RAPGEF4: variants seen among roughly 807,000 people sequenced by gnomAD.
The protein encoded by RAPGEF4 is Rap guanine nucleotide exchange factor 4.
A neutral mutation model predicts 147.9 loss-of-function variants in RAPGEF4; 66 were observed. The observed-to-expected ratio is 0.45, with a 90% CI of 0.37 to 0.55. RAPGEF4 has a LOEUF of 0.55. Among genes scored for constraint, RAPGEF4 ranks in the 20% least tolerant of loss-of-function variants. The pLI, the probability that RAPGEF4 is intolerant of heterozygous loss-of-function variation, is 0.00. For missense variants in RAPGEF4, 1,071 were observed against 1,257.3 expected, an observed-to-expected ratio of 0.85 and a Z score of 2.24; for synonymous variants, 419 against 442.7, an observed-to-expected ratio of 0.95 and a Z score of 0.67.
intron 6 of RAPGEF4, 74 bp from the exon 7 acceptor site, chr2:172,960,686 T>C (rs1689194223): frequency 9.8e-7 from 1 of 1,017,720 alleles, no homozygotes; most frequent in Non-Finnish European, 1.4e-6. Context: ...TGTTTCTTAT[T>C]ATCCCCCAAC....
At position 172,795,129 on chromosome 2, in the gene RAPGEF4, T is replaced by C. The variant is rs1225466180; in HGVS notation, c.170T>C (p.Leu57Ser). ...CCAAATCTCCTTCATCAGATTTGCT[T>C]ATGTGGTTATTATGAGAATCTGGAA... ...FHPNLLHQICLCGYYENLEKG... is the reference protein window; with the variant it reads ...FHPNLLHQICSCGYYENLEKG... The change falls in exon 2 of 31, where the codon TTA becomes TCA. Residue 57 changes from leucine (L) to serine (S), a missense_variant. Coordinates refer to ENST00000397081, the MANE Select transcript of RAPGEF4 (RefSeq NM_007023.4). 1 of 1,611,994 alleles carries C rather than the reference T, an allele frequency of 6.2e-7. No individual in the cohort carries two copies. Among genetic ancestry groups the C allele is most frequent in the East Asian group, 2.2e-5 (1 of 44,854 alleles).
intron 4 of RAPGEF4, among the ~76,000 whole-genome samples, chr2:172,890,411 G>T (rs1016751401): frequency 1.4e-4 from 21 of 152,270 alleles, no homozygotes; most frequent in African/African-American, 1.2e-4. Context: ...AGTTTTCTTC[G>T]CAAGGAAGTT....
chr2:172,903,183 A>G (rs767877357), intron 4 of RAPGEF4, among the ~76,000 whole-genome samples: 6 of 152,084 alleles, frequency 3.9e-5, no homozygotes, highest in Non-Finnish European at 8.8e-5. Context: ...AGCCTGATCA[A>G]CATGGTGAAA....
chr2:173,020,754 A>C (rs1488425472), intron 23 of RAPGEF4, 39 bp downstream of exon 23: 1 of 1,526,980 alleles, frequency 6.5e-7, no homozygotes, highest in Non-Finnish European at 9.0e-7. Context: ...CATTGCAATC[A>C]GAAAAACTTG....
At chr2:172,824,291 A>G (rs1689427831) in intron 4 of RAPGEF4, among the ~76,000 whole-genome samples, 1 of 152,184 alleles carries the variant, frequency 6.6e-6, no homozygotes, top group Non-Finnish European at 1.5e-5. Context: ...TAGAAGATAG[A>G]GCTTCATCAG....
intron 4 of RAPGEF4, among the ~76,000 whole-genome samples, chr2:172,867,380 T>C (rs185289313): frequency 5.9e-5 from 9 of 152,358 alleles, no homozygotes; most frequent in Admixed American, 1.3e-4. Context: ...GTTCTTTTAC[T>C]GTCCTTGGGG....
At chr2:172,765,378 G>C (rs1028709632) in intron 1 of RAPGEF4, among the ~76,000 whole-genome samples, 6 of 152,296 alleles carry the variant, frequency 3.9e-5, no homozygotes, top group Admixed American at 3.9e-4. Flanking sequence ...GACAATAACA[G>C]GAAAACTCAG....
intron 6 of RAPGEF4, among the ~76,000 whole-genome samples, chr2:172,953,392 TAATA>T (rs765478693): frequency 2.4e-4 from 35 of 148,074 alleles, no homozygotes; most frequent in Non-Finnish European, 4.9e-4. Flanking sequence ...ATATGTTATA[TAATA>T]AATATAAAAA....
chr2:172,794,287 C>T (rs1320239477), intron 1 of RAPGEF4, among the ~76,000 whole-genome samples: 1 of 137,272 alleles, frequency 7.3e-6, no homozygotes, highest in Non-Finnish European at 1.5e-5. Context: ...GCAGAGATTG[C>T]AGTGAGCCAA....
chr2:172,865,958 G>A (rs12622141), intron 4 of RAPGEF4, among the ~76,000 whole-genome samples: 23,477 of 151,728 alleles, frequency 0.15, 2,167 homozygotes, highest in East Asian at 0.25. Flanking sequence ...TTTTCCTCCC[G>A]TGACCCCTTC....
chr2:172,963,758 C>T (rs1393364317), intron 8 of RAPGEF4, among the ~76,000 whole-genome samples: 11 of 152,334 alleles, frequency 7.2e-5, no homozygotes, highest in African/African-American at 2.6e-4. Flanking sequence ...CATCCTCTCT[C>T]TCCCTCCTGC....
intron 4 of RAPGEF4, among the ~76,000 whole-genome samples, chr2:172,874,372 A>G (rs1695615306): frequency 6.6e-6 from 1 of 152,104 alleles, no homozygotes. Context: ...TACATTAGGT[A>G]TATCTCCTAA....
At chr2:172,990,343 C>A (rs905595636) in intron 14 of RAPGEF4, among the ~76,000 whole-genome samples, 2 of 152,150 alleles carry the variant, frequency 1.3e-5, no homozygotes, top group African/African-American at 4.8e-5. Flanking sequence ...GTTTTTAACA[C>A]ATTTCAAACA....
At chr2:173,045,353 A>C (rs1559208738) in intron 29 of RAPGEF4, among the ~76,000 whole-genome samples, 1 of 152,232 alleles carries the variant, frequency 6.6e-6, no homozygotes, top group African/African-American at 2.4e-5. Flanking sequence ...AGATCAAGGA[A>C]AGAAGAAAGA....
rs986256861 is a variant in RAPGEF4 at position 172,988,278 on chromosome 2, T to C, written c.1227+6T>C. 5 of 1,605,164 alleles carry C rather than the reference T, an allele frequency of 3.1e-6. No individual in the cohort carries two copies. In the Admixed American group the frequency reaches 8.7e-5, roughly 28 times the overall value. On this transcript the variant is annotated splice_donor_region_variant and intron_variant, in intron 13 of 30. Transcript: ENST00000397081. ...ATGTAGTCATTTACGGCAAGGTATA[T>C]ATATCTTTTTCTTTTTGAAACTTTA...
chr2:172,979,370 G>A (rs767970360), intron 10 of RAPGEF4, among the ~76,000 whole-genome samples: 11 of 152,278 alleles, frequency 7.2e-5, no homozygotes, highest in South Asian at 2.1e-4. Flanking sequence ...TCACTCATAC[G>A]ATGAGCCATA....
chr2:172,753,874 G>GCA (rs1695521917), intron 1 of RAPGEF4, among the ~76,000 whole-genome samples: 1 of 39,690 alleles, frequency 2.5e-5, no homozygotes, highest in Non-Finnish European at 6.4e-5. Context: ...CACAGTGTAT[G>GCA]TACACACACA....
intron 1 of RAPGEF4, among the ~76,000 whole-genome samples, chr2:172,777,646 A>G (rs1261957551): frequency 2.6e-5 from 4 of 152,050 alleles, no homozygotes; most frequent in Non-Finnish European, 5.9e-5. Flanking sequence ...ACGTCACTGC[A>G]CATTCCAGCT....
chr2:173,036,778 A>G, intron 29 of RAPGEF4, 86 bp downstream of exon 29: 1 of 918,744 alleles, frequency 1.1e-6, no homozygotes, highest in Non-Finnish European at 1.7e-6. Flanking sequence ...ATTTCCATAT[A>G]TGCTGCCCTG....
Sources: gnomAD v4.1 joint callset for allele counts (sites outside exome capture counted in the v4.1 genomes callset) on GRCh38, gnomAD v4.1.1 for gene constraint, MANE v1.5 for transcripts, NCBI Gene and HGNC (gene_info 2026-07-23, HGNC 2026-07-21) for gene names.